The following LIMS1 variants were observed in gnomAD, a reference collection of about 807,000 sequenced individuals.
The protein encoded by LIMS1 is LIM and senescent cell antigen-like-containing domain protein 1.
In LIMS1, 18 loss-of-function variants were observed where a neutral mutation model predicts 44.1. The ratio of observed to expected loss-of-function variants is 0.41; its 90% CI spans 0.28 to 0.61. The LOEUF (loss-of-function observed/expected upper bound fraction) is 0.61. Ranked by LOEUF, LIMS1 falls within the 20% of genes least tolerant of loss-of-function variation. LIMS1 has a pLI of 0.32. For synonymous variants in LIMS1, 93 were observed against 149.1 expected (o/e 0.62, Z 2.74); for missense variants, 201 against 422.0 (o/e 0.48, Z 4.59).
Position 108,561,952 on chromosome 2 carries a change from C to G in LIMS1, c.32+27358C>G, listed in dbSNP as rs149404798. On this transcript the variant is annotated intron_variant, in intron 1 of 9. Transcript: ENST00000544547. The stretch of plus-strand genomic sequence containing the variant: ...AGAGACAGGGTTTCACCATGTTGGC[C>G]AGAATGGTCTCAATCTCTTGACCTC... Among the ~76,000 whole-genome samples, 597 of 152,090 alleles carry G rather than the reference C, an allele frequency of 3.9e-3. 1 individual carries two copies. The highest frequency in any genetic ancestry group is 0.012 in the African/African-American group (492 of 41,468).
intron 1 of LIMS1, among the ~76,000 whole-genome samples, chr2:108,637,605 T>C (rs1269191233): frequency 1.3e-5 from 2 of 152,230 alleles, no homozygotes; most frequent in Non-Finnish European, 2.9e-5. Flanking sequence ...TCAGCATTCC[T>C]AGCTAAAAAT....
In LIMS1 at chr2:108,582,167, T is replaced by G. The variant is rs564989822; in HGVS notation, c.32+47573T>G. 1.2e-4 allele frequency among the ~76,000 whole-genome samples: 18 copies of G among 152,366 alleles called. No homozygotes were observed. The South Asian group carries it at 3.7e-3, about 32-fold the overall frequency. On this transcript the variant is annotated intron_variant, in intron 1 of 9. Coordinates refer to ENST00000544547, the Ensembl canonical transcript of LIMS1. ...TCCCTTAGGTACTTCAGTGAGTACT[T>G]CTAGCATTAATGCTTAATGGCCTCA...
intron 1 of LIMS1, among the ~76,000 whole-genome samples, chr2:108,618,740 G>A (rs1446784218): frequency 1.3e-5 from 2 of 150,430 alleles, no homozygotes; most frequent in African/African-American, 4.9e-5. Context: ...CAGGGGAATC[G>A]CTTGAACTCG....
intron 1 of LIMS1, among the ~76,000 whole-genome samples, chr2:108,617,165 G>T (rs546897398): frequency 6.6e-6 from 1 of 152,148 alleles, no homozygotes; most frequent in Non-Finnish European, 1.5e-5. Flanking sequence ...TCTTAACTCT[G>T]TATAGGAGAA....
At chr2:108,645,949 T>G (rs1212187562) in intron 1 of LIMS1, among the ~76,000 whole-genome samples, 1 of 152,068 alleles carries the variant, frequency 6.6e-6, no homozygotes, top group African/African-American at 2.4e-5. Context: ...AAGAGCTAAC[T>G]ATCCTAAATA....
intron 1 of LIMS1, among the ~76,000 whole-genome samples, chr2:108,653,786 A>C: frequency 7.2e-6 from 1 of 139,316 alleles, no homozygotes; most frequent in Non-Finnish European, 1.6e-5. Context: ...GACATGAGAC[A>C]TCAATCAATA....
intron 2 of LIMS1, among the ~76,000 whole-genome samples, chr2:108,661,955 A>T (rs1257337434): frequency 6.6e-6 from 1 of 152,096 alleles, no homozygotes; most frequent in Non-Finnish European, 1.5e-5. Flanking sequence ...CATGAAAGAG[A>T]TGAGAGCCTA....
At chr2:108,683,682 T>C (rs550298453) in intron 9 of LIMS1, among the ~76,000 whole-genome samples, 10 of 152,010 alleles carry the variant, frequency 6.6e-5, no homozygotes, top group African/African-American at 2.2e-4. Flanking sequence ...TTATAAGGAC[T>C]TTTTTTTAAA....
At chr2:108,588,760 C>G (rs1686228780) in intron 1 of LIMS1, 3 of 268,256 alleles carry the variant, frequency 1.1e-5, no homozygotes, top group Non-Finnish European at 1.7e-5. Context: ...TAACCTTCAG[C>G]CATGCTGATT....
intron 1 of LIMS1, among the ~76,000 whole-genome samples, chr2:108,612,106 T>C (rs1268301055): frequency 6.7e-6 from 1 of 150,286 alleles, no homozygotes; most frequent in Non-Finnish European, 1.5e-5. Flanking sequence ...TTTTTTCTCT[T>C]GGCAGGGGTT....
intron 6 of LIMS1, 146 bp from the exon 7 acceptor site, chr2:108,676,457 GTAT>G (rs1361026434): frequency 3.0e-5 from 31 of 1,021,600 alleles, no homozygotes; most frequent in Non-Finnish European, 4.3e-5. Flanking sequence ...AACTGCAGAA[GTAT>G]TATATTATGG....
intron 1 of LIMS1, among the ~76,000 whole-genome samples, chr2:108,642,963 A>G (rs1689809822): frequency 1.3e-5 from 2 of 152,212 alleles, no homozygotes; most frequent in Admixed American, 6.5e-5. Context: ...TATTGGACTC[A>G]TGCAGCCAGG....
intron 8 of LIMS1, 111 bp downstream of exon 8, chr2:108,678,138 T>C: frequency 6.7e-7 from 1 of 1,493,748 alleles, no homozygotes; most frequent in Non-Finnish European, 9.1e-7. Context: ...CGTTATCAGT[T>C]ACTTTTTCTC....
intron 1 of LIMS1, among the ~76,000 whole-genome samples, chr2:108,541,886 A>G (rs570686494): frequency 3.9e-4 from 59 of 152,350 alleles, no homozygotes; most frequent in Non-Finnish European, 7.6e-4. Context: ...CTGTTTTCCC[A>G]AAGCATTTTG....
chr2:108,612,617 T>C (rs1687716293), intron 1 of LIMS1, among the ~76,000 whole-genome samples: 1 of 152,198 alleles, frequency 6.6e-6, no homozygotes, highest in Admixed American at 6.5e-5. Flanking sequence ...TTCACTAGCT[T>C]TTGCCTCCAA....
intron 1 of LIMS1, among the ~76,000 whole-genome samples, chr2:108,634,126 G>T (rs1689082366): frequency 6.6e-6 from 1 of 152,204 alleles, no homozygotes; most frequent in Non-Finnish European, 1.5e-5. Flanking sequence ...GAAGCAGGCT[G>T]GGCAAAGCTC....
At chr2:108,608,208 A>G (rs911308389) in intron 1 of LIMS1, among the ~76,000 whole-genome samples, 2 of 151,396 alleles carry the variant, frequency 1.3e-5, no homozygotes, top group African/African-American at 4.9e-5. Flanking sequence ...TTCATTACAC[A>G]TTTATGTATT....
rs897849514 is a variant in LIMS1 at position 108,535,593 on chromosome 2, C to T, written c.32+999C>T. On this transcript the variant is annotated intron_variant, in intron 1 of 9. Transcript: ENST00000544547. ...CTGAGTTTGGCAGATCTCAAGCTGACGCATTTCATTAATAGCGCCGAATAA... is the reference window on the plus strand; with the variant it reads ...CTGAGTTTGGCAGATCTCAAGCTGATGCATTTCATTAATAGCGCCGAATAA... Among the ~76,000 whole-genome samples, 16 of 152,324 alleles carry T rather than the reference C, an allele frequency of 1.1e-4. 1 individual carries two copies. The South Asian group carries it at 3.3e-3, about 32-fold the overall frequency.
intron 1 of LIMS1, among the ~76,000 whole-genome samples, chr2:108,616,696 G>T (rs1310708404): frequency 6.6e-6 from 1 of 152,036 alleles, no homozygotes; most frequent in African/African-American, 2.4e-5. Context: ...AGATGCTTCT[G>T]CCTTCTCATA....
Sources: allele counts gnomAD v4.1 joint callset (sites outside exome capture counted in the v4.1 genomes callset), GRCh38; gene constraint gnomAD v4.1.1; transcripts MANE v1.5; gene names NCBI Gene and HGNC (gene_info 2026-07-23, HGNC 2026-07-21).